The following TANC2 variants were observed in gnomAD, a reference collection of about 807,000 sequenced individuals.
The protein encoded by TANC2 is tetratricopeptide repeat, ankyrin repeat and coiled-coil containing 2.
Under a neutral mutation model 210.5 loss-of-function variants are expected in TANC2, and 26 were observed. That is an observed-to-expected ratio of 0.12 (90% confidence interval 0.09 to 0.17). The LOEUF is 0.17. Among genes scored for constraint, TANC2 ranks in the 10% least tolerant of loss-of-function variants. The probability of loss-of-function intolerance (pLI) is 1.00; values close to 1 mark genes in which losing one functional copy is unlikely to be tolerated. For synonymous variants in TANC2, 931 were observed against 967.1 expected (o/e 0.96, Z 0.69); for missense variants, 2,129 against 2,608.9 (o/e 0.82, Z 4.01).
At chr17:63,099,228 C>T (rs751172282) in exon 4 of TANC2, 1 of 1,610,664 alleles carries the variant, frequency 6.2e-7, no homozygotes, top group South Asian at 1.1e-5. Context: ...CGCTGTCCCG[C>T]CACTTCCAGT....
intron 9 of TANC2, among the ~76,000 whole-genome samples, chr17:63,274,643 A>C (rs1345868076): frequency 6.6e-6 from 1 of 152,014 alleles, no homozygotes; most frequent in African/African-American, 2.4e-5. Flanking sequence ...GTAAAACCCC[A>C]TCTCTACTTT....
At chr17:63,310,435 A>G (rs2045082483) in intron 9 of TANC2, among the ~76,000 whole-genome samples, 1 of 152,200 alleles carries the variant, frequency 6.6e-6, no homozygotes, top group African/African-American at 2.4e-5. Context: ...GCGACAAAGC[A>G]GGATTCCATC....
chr17:63,242,714 A>G (rs77616001), intron 8 of TANC2, among the ~76,000 whole-genome samples: 3,314 of 152,298 alleles, frequency 0.022, 47 homozygotes, highest in South Asian at 0.038. Flanking sequence ...TATTTGTAGT[A>G]GCCAGTAACT....
intron 14 of TANC2, among the ~76,000 whole-genome samples, chr17:63,378,710 T>G (rs2047505566): frequency 6.6e-6 from 1 of 152,148 alleles, no homozygotes; most frequent in Non-Finnish European, 1.5e-5. Flanking sequence ...ATCAGGAACC[T>G]CAATCTAGTG....
chr17:63,252,578 C>G (rs1283006415), intron 8 of TANC2, among the ~76,000 whole-genome samples: 2 of 152,096 alleles, frequency 1.3e-5, no homozygotes, highest in African/African-American at 2.4e-5. Context: ...TCATTCTACT[C>G]TCTGTCTCCA....
At chr17:63,126,704 C>T (rs180974413) in intron 4 of TANC2, among the ~76,000 whole-genome samples, 52 of 152,030 alleles carry the variant, frequency 3.4e-4, no homozygotes, top group East Asian at 7.7e-4. Flanking sequence ...CCACCATGCC[C>T]GACTCACTAA....
chr17:63,290,618 G>A (rs1322058672), intron 9 of TANC2, among the ~76,000 whole-genome samples: 2 of 152,000 alleles, frequency 1.3e-5, no homozygotes, highest in Non-Finnish European at 2.9e-5. Flanking sequence ...AGGAACCACT[G>A]TTTTTCATTG....
intron 9 of TANC2, among the ~76,000 whole-genome samples, chr17:63,308,656 T>C (rs1435387813): frequency 6.6e-6 from 1 of 152,236 alleles, no homozygotes; most frequent in Non-Finnish European, 1.5e-5. Flanking sequence ...TCTAAAAATG[T>C]ATACACAGTA....
intron 4 of TANC2, among the ~76,000 whole-genome samples, chr17:63,106,415 G>T (rs1316124181): frequency 6.6e-6 from 1 of 151,574 alleles, no homozygotes; most frequent in Non-Finnish European, 1.5e-5. Flanking sequence ...AGAATCAGTG[G>T]ATGGAAAATT....
chr17:63,302,267 G>T (rs1465545494), intron 9 of TANC2, among the ~76,000 whole-genome samples: 1 of 152,132 alleles, frequency 6.6e-6, no homozygotes, highest in East Asian at 1.9e-4. Context: ...ATTTGGGGTG[G>T]AGAGTTCTGT....
intron 9 of TANC2, among the ~76,000 whole-genome samples, chr17:63,270,662 G>C (rs1165674320): frequency 1.3e-5 from 2 of 152,080 alleles, no homozygotes; most frequent in Non-Finnish European, 2.9e-5. Context: ...GACAAGTTCT[G>C]TGAAATAGGT....
At chr17:62,983,611 A>T (rs1252213259) in intron 1 of TANC2, among the ~76,000 whole-genome samples, 1 of 152,126 alleles carries the variant, frequency 6.6e-6, no homozygotes, top group East Asian at 1.9e-4. Context: ...TTTGTCATAT[A>T]TGGCCTTTAC....
intron 2 of TANC2, among the ~76,000 whole-genome samples, chr17:63,071,302 TAA>T (rs1029037292): frequency 1.3e-5 from 2 of 151,948 alleles, no homozygotes; most frequent in African/African-American, 4.8e-5. Flanking sequence ...TTTTTTTTTT[TAA>T]AGAGTCAAGG....
intron 2 of TANC2, among the ~76,000 whole-genome samples, chr17:63,050,520 A>G (rs1427715158): frequency 6.6e-6 from 1 of 152,176 alleles, no homozygotes; most frequent in Non-Finnish European, 1.5e-5. Flanking sequence ...TGGAATATAT[A>G]TGGCAAATAA....
chr17:63,278,007 C>T (rs1366987106), intron 9 of TANC2, among the ~76,000 whole-genome samples: 1 of 151,880 alleles, frequency 6.6e-6, no homozygotes, highest in Admixed American at 6.6e-5. Context: ...CCTGTCTTTA[C>T]AAAAACTTTA....
chr17:63,085,163 A>G (rs1218326631), intron 3 of TANC2, among the ~76,000 whole-genome samples: 2 of 152,146 alleles, frequency 1.3e-5, no homozygotes, highest in Non-Finnish European at 2.9e-5. Context: ...CTCTTGTTAC[A>G]TACTCATCAG....
chr17:63,259,197 A>G (rs924232097), intron 8 of TANC2, among the ~76,000 whole-genome samples: 6 of 152,156 alleles, frequency 3.9e-5, no homozygotes, highest in African/African-American at 1.4e-4. Flanking sequence ...CTGGTATCCA[A>G]GTTCCAAGAC....
intron 5 of TANC2, among the ~76,000 whole-genome samples, chr17:63,170,448 A>AAG (rs958621231): frequency 6.6e-6 from 1 of 151,874 alleles, no homozygotes; most frequent in African/African-American, 2.4e-5. Context: ...AAAAAAAAAA[A>AAG]AAAGAAAGAA....
intron 5 of TANC2, among the ~76,000 whole-genome samples, chr17:63,164,045 T>G (rs1047011763): frequency 1.3e-5 from 2 of 152,156 alleles, no homozygotes; most frequent in Admixed American, 6.6e-5. Flanking sequence ...ACTTTTGTTC[T>G]TGAACATTCC....
Sources: gnomAD v4.1 joint callset for allele counts (sites outside exome capture counted in the v4.1 genomes callset) on GRCh38, gnomAD v4.1.1 for gene constraint, MANE v1.5 for transcripts, NCBI Gene and HGNC (gene_info 2026-07-23, HGNC 2026-07-21) for gene names.